UBQLN4: variants seen among roughly 807,000 people sequenced by gnomAD.
UBQLN4 encodes the protein ubiquilin 4, also known as ubiquilin-4.
A neutral mutation model predicts 60.4 loss-of-function variants in UBQLN4; 11 were observed. The observed-to-expected ratio is 0.18, with a 90% confidence interval of 0.11 to 0.30. The LOEUF (loss-of-function observed/expected upper bound fraction) is 0.30, where lower values mean the gene tolerates loss of function less well. Among genes scored for constraint, UBQLN4 ranks in the 10% least tolerant of loss-of-function variants. UBQLN4 has a pLI of 1.00. For synonymous variants in UBQLN4, 258 were observed against 313.1 expected, an observed-to-expected ratio of 0.82 and a Z score of 1.86; for missense variants, 417 against 795.5, an observed-to-expected ratio of 0.52 and a Z score of 5.72.
intron 9 of UBQLN4, 26 bp downstream of exon 9, chr1:156,041,846 C>T: frequency 6.3e-7 from 1 of 1,580,608 alleles, no homozygotes; most frequent in Non-Finnish European, 8.6e-7. Flanking sequence ...TAGAACCTTG[C>T]TGCCCTCCTG....
Position 156,050,158 on chromosome 1 carries a change from A to C in UBQLN4, c.741+133T>G. 1 of 1,251,370 alleles carries C rather than the reference A, an allele frequency of 8.0e-7. No homozygotes were observed. Among genetic ancestry groups the C allele is most frequent in the South Asian group, 2.1e-5 (1 of 48,012 alleles). The allele number at this position is 1,251,370 out of a possible 1,614,324, so 77.5% of individuals were successfully genotyped here. Reference sequence around the variant, plus strand: ...CCTGAAAAGCTAGGCCTGTCTTTTCATCCCTGTACCTCCAGTGTTCAAAAC... The same window carrying C: ...CCTGAAAAGCTAGGCCTGTCTTTTCCTCCCTGTACCTCCAGTGTTCAAAAC... On this transcript the variant is annotated intron_variant, in intron 4 of 10. Coordinates refer to ENST00000368309, the MANE Select transcript of UBQLN4 (RefSeq NM_020131.5). This position sits in a 1 kb window ranked among gnomAD's most constrained non-coding sequence, Gnocchi z 4.6.
At chr1:156,043,502 C>T (rs992882123) in intron 6 of UBQLN4, among the ~76,000 whole-genome samples, 3 of 152,184 alleles carry the variant, frequency 2.0e-5, no homozygotes, top group Non-Finnish European at 4.4e-5. Context: ...AGATATCCCC[C>T]AGAGTGCAGA....
Position 156,042,481 on chromosome 1 carries a change from C to G in UBQLN4, c.1267-245G>C. On this transcript the variant is annotated intron_variant, in intron 7 of 10. Coordinates refer to ENST00000368309, the MANE Select transcript of UBQLN4 (RefSeq NM_020131.5). ...GTCTGATGATGATGAGGACAGCTAA[C>G]ATTTCCAGGTATACAGAACTTACTC... 2.2e-6 allele frequency: 3 copies of G among 1,352,334 alleles called. No homozygotes were observed. In the Admixed American group the frequency reaches 9.4e-5, roughly 42 times the overall value. 83.8% of individuals were successfully genotyped at this position (1,352,334 alleles called of 1,614,324 possible). A position where few individuals can be genotyped will look rare whatever the true frequency, so the allele number is the denominator to read the frequency against.
At chr1:156,053,011 C>G (rs11264431) in intron 1 of UBQLN4, among the ~76,000 whole-genome samples, 47 of 152,072 alleles carry the variant, frequency 3.1e-4, no homozygotes, top group African/African-American at 1.1e-3. Context: ...AATTATGGAG[C>G]GGCCACAGGG....
chr1:156,040,668 G>A (rs1214116494), intron 10 of UBQLN4, among the ~76,000 whole-genome samples: 1 of 151,762 alleles, frequency 6.6e-6, no homozygotes, highest in African/African-American at 2.4e-5. Flanking sequence ...TAGCCAGGAT[G>A]GTCTCGATCT....
chr1:156,034,823 T>TTATATATA (rs1558083065), downstream of UBQLN4, among the ~76,000 whole-genome samples: 1 of 35,872 alleles, frequency 2.8e-5, no homozygotes, highest in African/African-American at 1.0e-4. Context: ...TCCCTTAACC[T>TTATATATA]TCTATATATA....
intron 1 of UBQLN4, among the ~76,000 whole-genome samples, chr1:156,052,627 TC>T (rs1380716258): frequency 1.1e-4 from 16 of 152,196 alleles, no homozygotes; most frequent in African/African-American, 3.4e-4. Context: ...CCCAGCCGTA[TC>T]TCCATTTTAA....
In UBQLN4 at chr1:156,042,171, G is replaced by C. The variant is rs755389474; in HGVS notation, c.1332C>G (p.Leu444=). Residue 444 remains leucine, a synonymous_variant, in exon 8 of 11, where the codon CTC becomes CTG. Transcript: ENST00000368309. ...PQLQEQLRLQ[L]PVFLQQMQNP... is the part of the protein sequence containing the mutation. ...CACTCACCTGCTGCAGGAAGACTGGGAGCTGCAGGCGGAGCTGCTCCTGCA... is the reference window on the plus strand; with the variant it reads ...CACTCACCTGCTGCAGGAAGACTGGCAGCTGCAGGCGGAGCTGCTCCTGCA... The C allele has an allele frequency of 1.9e-6, 3 of 1,607,098 alleles. No individual in the cohort carries two copies. In the Admixed American group the frequency reaches 5.2e-5, roughly 28 times the overall value.
intron 5 of UBQLN4, among the ~76,000 whole-genome samples, chr1:156,047,870 C>T (rs1258126839): frequency 5.6e-5 from 7 of 124,196 alleles, no homozygotes; most frequent in South Asian, 2.4e-4. Context: ...CCAGCCTGGG[C>T]GATAGAGCGA....
In UBQLN4 at chr1:156,051,817, T is replaced by C. The variant is rs1484183695; in HGVS notation, c.149A>G (p.Asp50Gly). 1 of 1,614,164 alleles carries C rather than the reference T, an allele frequency of 6.2e-7. No homozygotes were observed. The highest frequency in any genetic ancestry group is 8.5e-7 in the Non-Finnish European group (1 of 1,180,014). Residue 50 changes from aspartate (D) to glycine (G), a missense_variant, in exon 2 of 11, where the codon GAT becomes GGT. Physicochemically the swap from Asp to Gly is moderately conservative, Grantham distance 94. Transcript: ENST00000368309. ...EISRRFKAQQDQLVLIFAGKI... is the reference protein window; with the variant it reads ...EISRRFKAQQGQLVLIFAGKI... The stretch of plus-strand genomic sequence containing the variant: ...GCCTGCGAAGATCAGGACCAGCTGA[T>C]CCTGCTGAGCCTTAAACCTCCGGGA...
Position 156,053,797 on chromosome 1 carries a change from TC to T in UBQLN4, c.-97del. On this transcript the variant is annotated 5_prime_UTR_variant, in exon 1 of 11. Coordinates refer to ENST00000368309, the MANE Select transcript of UBQLN4 (RefSeq NM_020131.5). ...GGCTCGGCTTCTGCGCCTCCAACACTCCCCTCTCTCCACCTCTCCCCTCCCC... is the reference window on the plus strand; with the variant it reads ...GGCTCGGCTTCTGCGCCTCCAACACTCCCTCTCTCCACCTCTCCCCTCCCC... The T allele has an allele frequency of 2.3e-6, 1 of 429,508 alleles. No homozygotes were observed. Among genetic ancestry groups the T allele is most frequent in the Non-Finnish European group, 3.6e-6 (1 of 278,518 alleles). The allele number at this position is 429,508 out of a possible 1,614,324, so 26.6% of individuals were successfully genotyped here.
At chr1:156,043,023 A>T in intron 6 of UBQLN4, 110 bp from the exon 7 acceptor site, 1 of 1,420,700 alleles carries the variant, frequency 7.0e-7, no homozygotes, top group Non-Finnish European at 9.4e-7. Context: ...CAAAACTCAG[A>T]AAAGCAATGG....
rs1683381546 is a variant in UBQLN4 at position 156,035,714 on chromosome 1, C to G, written c.*1264G>C. 1.0e-6 allele frequency: 1 copy of G among 985,274 alleles called. No individual in the cohort carries two copies. The highest frequency in any genetic ancestry group is 1.2e-6 in the Non-Finnish European group (1 of 829,870). 61.0% of individuals were successfully genotyped at this position (985,274 alleles called of 1,614,324 possible). ...ATAAGGGTGCTAGTCACAGCCCTGA[C>G]AGCTTCAGAAAGGGTACCCACATTA... On this transcript the variant is annotated 3_prime_UTR_variant, in exon 11 of 11. Coordinates refer to ENST00000368309, the MANE Select transcript of UBQLN4 (RefSeq NM_020131.5).
rs1451615860 is a variant in UBQLN4, at chr1:156,035,498, G to T, written c.*1480C>A. 1.0e-6 allele frequency: 1 copy of T among 985,356 alleles called. No individual in the cohort carries two copies. Among genetic ancestry groups the T allele is most frequent in the African/African-American group, 1.7e-5 (1 of 57,210 alleles). The allele number at this position is 985,356 out of a possible 1,614,324, so 61.0% of individuals were successfully genotyped here. ...CAGCTGGGCCAAGTAGGAGAGGGAAGAGGTGATATGAGCCTCCTCTGTGCT... is the reference window on the plus strand; with the variant it reads ...CAGCTGGGCCAAGTAGGAGAGGGAATAGGTGATATGAGCCTCCTCTGTGCT... On this transcript the variant is annotated 3_prime_UTR_variant, in exon 11 of 11. Coordinates refer to ENST00000368309, the MANE Select transcript of UBQLN4 (RefSeq NM_020131.5).
At position 156,036,900 on chromosome 1, in the gene UBQLN4, T is replaced by C; in HGVS notation, c.*78A>G. The C allele has an allele frequency of 6.4e-7, 1 of 1,556,788 alleles. No individual in the cohort carries two copies. Among genetic ancestry groups the C allele is most frequent in the Non-Finnish European group, 8.7e-7 (1 of 1,152,938 alleles). ...GGAGAAGACGGAAGGGAGGACAAGC[T>C]GCAGAGGGTAAGGATTGACAGAAGA... On this transcript the variant is annotated 3_prime_UTR_variant, in exon 11 of 11. Transcript: ENST00000368309.
downstream of UBQLN4, among the ~76,000 whole-genome samples, chr1:156,032,836 C>G (rs1216406395): frequency 6.6e-6 from 1 of 152,114 alleles, no homozygotes; most frequent in African/African-American, 2.4e-5. Context: ...GGAAGAAGAT[C>G]CCAGCCTTGT....
chr1:156,053,411 C>A (rs1683935705), intron 1 of UBQLN4, among the ~76,000 whole-genome samples, 183 bp downstream of exon 1: 3 of 152,022 alleles, frequency 2.0e-5, no homozygotes, highest in Non-Finnish European at 4.4e-5. Context: ...CGCCACGCTC[C>A]CCCAGATCTC....
At position 156,036,608 on chromosome 1, in the gene UBQLN4, T is replaced by C. The variant is rs1171335297; in HGVS notation, c.*370A>G. ...TAAGACAAAACCCTAGTGGTATAGA[T>C]GGAAGACTATGTTCCAGTAAACCAG... On this transcript the variant is annotated 3_prime_UTR_variant, in exon 11 of 11. Transcript: ENST00000368309. 1 of 1,013,498 alleles carries C rather than the reference T, an allele frequency of 9.9e-7. No homozygotes were observed. The highest frequency in any genetic ancestry group is 1.7e-5 in the African/African-American group (1 of 58,324). 62.8% of individuals were successfully genotyped at this position (1,013,498 alleles called of 1,614,324 possible). A position where few individuals can be genotyped will look rare whatever the true frequency, so the allele number is the denominator to read the frequency against.
In UBQLN4 at chr1:156,051,713, G is replaced by A; in HGVS notation, c.253C>T (p.Pro85Ser). 6.2e-7 allele frequency: 1 copy of A among 1,613,438 alleles called. No homozygotes were observed. The highest frequency in any genetic ancestry group is 1.7e-5 in the Admixed American group (1 of 60,020). Residue 85 changes from proline to serine, a missense_variant, in exon 2 of 11, where the codon CCT (proline) becomes TCT (serine). By Grantham distance (74) the Pro-to-Ser change is moderately conservative. Coordinates refer to ENST00000368309, the MANE Select transcript of UBQLN4 (RefSeq NM_020131.5). Reference protein sequence around the residue: ...GLTVHLVIKTPQKAQDPAAAT... With the variant: ...GLTVHLVIKTSQKAQDPAAAT... ...CTCTGCTCCTGAACTTACTTCTGAGGGGTCTTGATGACCAGATGGACAGTG... is the reference window on the plus strand; with the variant it reads ...CTCTGCTCCTGAACTTACTTCTGAGAGGTCTTGATGACCAGATGGACAGTG...
Sources: allele counts gnomAD v4.1 joint callset (sites outside exome capture counted in the v4.1 genomes callset), GRCh38; gene constraint gnomAD v4.1.1; non-coding constraint Gnocchi (gnomAD v3.1); transcripts MANE v1.5; gene names NCBI Gene and HGNC (gene_info 2026-07-23, HGNC 2026-07-21).